Variants in IL12RB2 observed in about 807,000 individuals in gnomAD.
IL12RB2 encodes interleukin 12 receptor subunit beta 2.
A neutral mutation model predicts 89.4 loss-of-function variants in IL12RB2; 82 were observed. The ratio of observed to expected loss-of-function variants is 0.92; its 90% CI spans 0.77 to 1.10. The LOEUF is 1.10. IL12RB2 is among the 50% of genes least tolerant of loss of function. IL12RB2 has a pLI of 0.00. For synonymous variants in IL12RB2, 368 were observed against 370.1 expected, an observed-to-expected ratio of 0.99 and a Z score of 0.07; for missense variants, 963 against 1,031.9, an observed-to-expected ratio of 0.93 and a Z score of 0.92.
chr1:67,395,724 G>C lies in IL12RB2; in HGVS notation c.2224G>C (p.Asp742His). 6.2e-7 allele frequency: 1 copy of C among 1,614,148 alleles called. No individual in the cohort carries two copies. Among genetic ancestry groups the C allele is most frequent in the Non-Finnish European group, 8.5e-7 (1 of 1,180,006 alleles). ...CCAAGGTCATCAGGCCTCTGAGAAA[G>C]ACATGATGCACAGTGCCTCAAGCCC... ...GIQGHQASEKDMMHSASSPPP... is the reference protein window; with the variant it reads ...GIQGHQASEKHMMHSASSPPP... Residue 742 changes from aspartate to histidine, a missense_variant, in exon 17 of 17, where the codon GAC (aspartate) becomes CAC (histidine). Physicochemically the swap from Asp to His is moderately conservative, Grantham distance 81 (BLOSUM62 -1). Transcript: ENST00000674203.
chr1:67,331,981 G>T (rs1005979186), intron 8 of IL12RB2, among the ~76,000 whole-genome samples: 1 of 152,004 alleles, frequency 6.6e-6, no homozygotes, highest in Non-Finnish European at 1.5e-5. Context: ...TAACATTAAC[G>T]TGCAAAATCT....
intron 1 of IL12RB2, among the ~76,000 whole-genome samples, chr1:67,312,867 C>T (rs1655266637): frequency 6.6e-6 from 1 of 152,208 alleles, no homozygotes; most frequent in South Asian, 2.1e-4. Flanking sequence ...GCAGCCTCGT[C>T]AGCTGCACAA....
chr1:67,380,662 G>C (rs1294171037), intron 14 of IL12RB2, among the ~76,000 whole-genome samples: 1 of 152,214 alleles, frequency 6.6e-6, no homozygotes, highest in Non-Finnish European at 1.5e-5. Flanking sequence ...GAAATCTATT[G>C]TCTCACAGTT....
In IL12RB2 at chr1:67,395,848, C is replaced by G; in HGVS notation, c.2348C>G (p.Ala783Gly). The G allele has an allele frequency of 3.1e-6, 5 of 1,610,330 alleles. No individual in the cohort carries two copies. The highest frequency in any genetic ancestry group is 4.2e-6 in the Non-Finnish European group (5 of 1,177,134). ...RGSDPKPENPACPWTVLPAGD... is the reference protein window; with the variant it reads ...RGSDPKPENPGCPWTVLPAGD... ...TCCGACCCAAAGCCCGAAAACCCAG[C>G]CTGTCCCTGGACGGTGCTCCCAGCA... The change falls in exon 17 of 17, where the codon GCC becomes GGC. Residue 783 changes from alanine to glycine, a missense_variant. Coordinates refer to ENST00000674203, the MANE Select transcript of IL12RB2 (RefSeq NM_001374259.2).
rs1374654170 is a variant in IL12RB2 at position 67,322,105 on chromosome 1, A to G, written c.364+216A>G. On this transcript the variant is annotated intron_variant, in intron 4 of 16. Transcript: ENST00000674203. ...AGTCTCTCTCTCTCTCTCTCTCGCC[A>G]TTAAAACCATTTATCTGTTGTCCTT... Among the ~76,000 whole-genome samples the G allele has an allele frequency of 2.0e-5, 3 of 151,814 alleles. No individual in the cohort carries two copies. In the East Asian group the frequency reaches 5.8e-4, roughly 29 times the overall value.
chr1:67,347,298 C>T (rs903198624), intron 9 of IL12RB2, among the ~76,000 whole-genome samples: 5 of 152,164 alleles, frequency 3.3e-5, no homozygotes, highest in East Asian at 3.8e-4. Context: ...ACAGGCTAAG[C>T]GCTAACAGAT....
chr1:67,338,411 A>G (rs1381707423), intron 8 of IL12RB2, among the ~76,000 whole-genome samples: 4 of 134,922 alleles, frequency 3.0e-5, no homozygotes, highest in Non-Finnish European at 6.5e-5. Flanking sequence ...TTTTTTTTTA[A>G]ATTTGTTTTT....
At chr1:67,376,343 A>C (rs1427679558) in intron 13 of IL12RB2, among the ~76,000 whole-genome samples, 1 of 152,194 alleles carries the variant, frequency 6.6e-6, no homozygotes. Context: ...ACGCTTTGTG[A>C]AATCCAATGT....
chr1:67,318,775 G>A (rs1210323947), intron 2 of IL12RB2, among the ~76,000 whole-genome samples: 4 of 152,104 alleles, frequency 2.6e-5, no homozygotes, highest in African/African-American at 9.7e-5. Context: ...ACAGATGGAT[G>A]AGACTGGAGC....
chr1:67,311,717 C>G (rs1272888300), intron 1 of IL12RB2, among the ~76,000 whole-genome samples: 2 of 152,110 alleles, frequency 1.3e-5, no homozygotes, highest in Admixed American at 6.6e-5. Flanking sequence ...GAGACTTCAG[C>G]TGAATTCTTA....
In IL12RB2 at chr1:67,350,902, T is replaced by C. The variant is rs771847560; in HGVS notation, c.1071T>C (p.Ile357=). ...NLSVSEARGK[I]LHYQVTLQEL... is the part of the protein sequence containing the mutation. ...GTGTCTCAGAGGCAAGAGGAAAAATTCTCCACTATCAGGTGACCTTGCAGG... is the reference window on the plus strand; with the variant it reads ...GTGTCTCAGAGGCAAGAGGAAAAATCCTCCACTATCAGGTGACCTTGCAGG... Residue 357 remains isoleucine, a synonymous_variant, in exon 10 of 17, where the codon ATT becomes ATC. Coordinates refer to ENST00000674203, the MANE Select transcript of IL12RB2 (RefSeq NM_001374259.2). 1 of 1,613,946 alleles carries C rather than the reference T, an allele frequency of 6.2e-7. No homozygotes were observed. The highest frequency in any genetic ancestry group is 1.1e-5 in the South Asian group (1 of 91,070).
At chr1:67,345,266 G>C (rs1338594036) in intron 9 of IL12RB2, among the ~76,000 whole-genome samples, 1 of 152,222 alleles carries the variant, frequency 6.6e-6, no homozygotes, top group Admixed American at 6.5e-5. Context: ...TTGACAAACA[G>C]CTACCCTCAA....
At chr1:67,347,215 T>A (rs1660337772) in intron 9 of IL12RB2, among the ~76,000 whole-genome samples, 1 of 152,082 alleles carries the variant, frequency 6.6e-6, no homozygotes. Flanking sequence ...TCAAAAGAAA[T>A]AAAAGCTGTG....
rs375116805 is a variant in IL12RB2 at position 67,364,918 on chromosome 1, C to G, written c.1259-2907C>G. On this transcript the variant is annotated intron_variant, in intron 10 of 16. Transcript: ENST00000674203. ...ACACCATATTCTGGGTCATAAAATA[C>G]ACCTTAACAAATTTAAAAGAATAGA... is the stretch of plus-strand genomic sequence containing the variant. 3.9e-5 allele frequency among the ~76,000 whole-genome samples: 6 copies of G among 152,236 alleles called. No individual in the cohort carries two copies. The East Asian group carries it at 1.2e-3, about 29-fold the overall frequency.
intron 13 of IL12RB2, 132 bp downstream of exon 13, chr1:67,372,915 T>A: frequency 1.3e-6 from 1 of 742,522 alleles, no homozygotes; most frequent in Non-Finnish European, 2.5e-6. Flanking sequence ...ACTCCATAAA[T>A]ACTTGTAAAG....
intron 10 of IL12RB2, among the ~76,000 whole-genome samples, chr1:67,355,283 G>A (rs1334758136): frequency 6.0e-5 from 9 of 151,160 alleles, no homozygotes; most frequent in Non-Finnish European, 1.0e-4. Flanking sequence ...GTGTGGTAGT[G>A]TGCGCCTGTA....
chr1:67,309,414 C>T (rs1654726801), intron 1 of IL12RB2, among the ~76,000 whole-genome samples: 1 of 152,170 alleles, frequency 6.6e-6, no homozygotes, highest in African/African-American at 2.4e-5. Flanking sequence ...GTTGGATTCT[C>T]ATTTTCCATT....
chr1:67,317,047 T>C (rs1342898001), intron 2 of IL12RB2, among the ~76,000 whole-genome samples: 1 of 152,146 alleles, frequency 6.6e-6, no homozygotes, highest in Non-Finnish European at 1.5e-5. Context: ...ATGAAAGGTG[T>C]CTGAACTGAG....
chr1:67,362,572 C>CAA (rs956277979), intron 10 of IL12RB2, among the ~76,000 whole-genome samples: 5,655 of 43,152 alleles, frequency 0.13, 304 homozygotes, highest in Non-Finnish European at 0.19. Context: ...GACTCCGTCT[C>CAA]AAAAAAAAAA....
Sources: allele counts gnomAD v4.1 joint callset (sites outside exome capture counted in the v4.1 genomes callset), GRCh38; gene constraint gnomAD v4.1.1; transcripts MANE v1.5; gene names NCBI Gene and HGNC (gene_info 2026-07-23, HGNC 2026-07-21).